The following KCNMB3 variants were observed in gnomAD, a reference collection of about 807,000 sequenced individuals.
KCNMB3 encodes the protein potassium calcium-activated channel subfamily M regulatory beta subunit 3.
A neutral mutation model predicts 11.9 loss-of-function variants in KCNMB3; 18 were observed. The ratio of observed to expected loss-of-function variants is 1.51; its 90% CI spans 1.04 to 2.23. KCNMB3 has a LOEUF of 2.23. Among genes scored for constraint, KCNMB3 ranks in the 30% most tolerant of loss-of-function variants. The pLI is 0.00. For missense variants in KCNMB3, 247 were observed against 329.4 expected (o/e 0.75, Z 1.94); for synonymous variants, 78 against 119.2 (o/e 0.65, Z 2.25).
Position 179,263,693 on chromosome 3 carries a change from T to C in KCNMB3, c.62+2956A>G, listed in dbSNP as rs537583799. On this transcript the variant is annotated intron_variant, in intron 1 of 3. Transcript: ENST00000349697. ...AGAACAAAAACTCACCCACAACACT[T>C]AAAGGTAATGATTGTGCACTTGGTT... Among the ~76,000 whole-genome samples, 4 of 152,060 alleles carry C rather than the reference T, an allele frequency of 2.6e-5. No homozygotes were observed. In the South Asian group the frequency reaches 8.3e-4, roughly 32 times the overall value.
chr3:179,250,813 C>T lies in KCNMB3; in HGVS notation c.178G>A (p.Ala60Thr). 1.9e-6 allele frequency: 3 copies of T among 1,614,202 alleles called. No homozygotes were observed. Among genetic ancestry groups the T allele is most frequent in the Non-Finnish European group, 2.5e-6 (3 of 1,180,036 alleles). ...ATTAGGACTGAGAAGCCCATCATGG[C>T]AAACCCCAGCATCACGGCTCGGTCC... ...GEDRAVMLGF[A>T]MMGFSVLMFF... is the part of the protein sequence containing the mutation. The change falls in exon 1 of 3, where the codon GCC becomes ACC. Residue 60 changes from alanine (A) to threonine (T), a missense_variant. Coordinates refer to ENST00000392685, the MANE Select transcript of KCNMB3 (RefSeq NM_171830.2).
At chr3:179,258,241 T>C (rs1479872197) in intron 1 of KCNMB3, among the ~76,000 whole-genome samples, 1 of 152,200 alleles carries the variant, frequency 6.6e-6, no homozygotes, top group Non-Finnish European at 1.5e-5. Context: ...GAAATGTAAT[T>C]TGACATGTAT....
At chr3:179,262,286 CTG>C (rs1165167577) in intron 1 of KCNMB3, among the ~76,000 whole-genome samples, 1 of 152,194 alleles carries the variant, frequency 6.6e-6, no homozygotes, top group Non-Finnish European at 1.5e-5. Context: ...ATTTATGAAA[CTG>C]TGTCCGGAAT....
At chr3:179,247,370 G>A (rs1052337779) in intron 1 of KCNMB3, among the ~76,000 whole-genome samples, 7 of 151,520 alleles carry the variant, frequency 4.6e-5, no homozygotes, top group African/African-American at 1.7e-4. Flanking sequence ...GAGAGGAAAA[G>A]GAGTAAATGA....
intron 1 of KCNMB3, among the ~76,000 whole-genome samples, chr3:179,257,149 G>A (rs1324944005): frequency 1.3e-5 from 2 of 152,186 alleles, no homozygotes; most frequent in South Asian, 2.1e-4. Flanking sequence ...AGTGATAGGT[G>A]AGACCCTATC....
At chr3:179,248,669 A>G (rs1234631908) in intron 1 of KCNMB3, among the ~76,000 whole-genome samples, 1 of 150,706 alleles carries the variant, frequency 6.6e-6, no homozygotes, top group Non-Finnish European at 1.5e-5. Flanking sequence ...TCGAAGCTGC[A>G]GTGAGCCATG....
intron 1 of KCNMB3, among the ~76,000 whole-genome samples, chr3:179,250,321 T>C (rs1336469665): frequency 1.3e-5 from 2 of 152,218 alleles, no homozygotes; most frequent in Non-Finnish European, 2.9e-5. Context: ...GAAACTAATA[T>C]GTATTGAGCA....
chr3:179,257,162 T>C (rs760401840), intron 1 of KCNMB3, among the ~76,000 whole-genome samples: 15 of 152,194 alleles, frequency 9.9e-5, no homozygotes, highest in Non-Finnish European at 2.1e-4. Flanking sequence ...ACCCTATCTC[T>C]AAAAAAACTG....
chr3:179,250,730 C>T lies in KCNMB3; in HGVS notation c.248+13G>A, dbSNP rs780306142. 6.2e-7 allele frequency: 1 copy of T among 1,613,488 alleles called. No individual in the cohort carries two copies. On this transcript the variant is annotated intron_variant, in intron 1 of 2. Coordinates refer to ENST00000392685, the MANE Select transcript of KCNMB3 (RefSeq NM_171830.2). ...GAATTGGAAACTCTAGATTTCCTTCCTCTGTTTCTTACCTGAGCATAAAAG... is the reference window on the plus strand; with the variant it reads ...GAATTGGAAACTCTAGATTTCCTTCTTCTGTTTCTTACCTGAGCATAAAAG...
intron 1 of KCNMB3, chr3:179,260,950 TAG>T (rs1329307363): frequency 1.0e-5 from 11 of 1,094,210 alleles, no homozygotes; most frequent in South Asian, 3.7e-5. Flanking sequence ...CAACTTCTGC[TAG>T]AGAGTCCTTG....
At chr3:179,251,629 ACAGAAGAGT>A, upstream of KCNMB3, 1 of 1,262,476 alleles carries the variant, frequency 7.9e-7, no homozygotes, top group Non-Finnish European at 9.9e-7. Context: ...TGTCTGGTGA[ACAGAAGAGT>A]CCAACACAAA....
chr3:179,264,390 A>T (rs1157083433), intron 1 of KCNMB3, among the ~76,000 whole-genome samples: 1 of 152,046 alleles, frequency 6.6e-6, no homozygotes, highest in Admixed American at 6.6e-5. Flanking sequence ...ACCTCAAAGC[A>T]CTTAAGTATG....
chr3:179,255,892 G>A (rs1298952643), upstream of KCNMB3, among the ~76,000 whole-genome samples: 1 of 152,144 alleles, frequency 6.6e-6, no homozygotes, highest in East Asian at 1.9e-4. Flanking sequence ...GAAGCCATAA[G>A]GCAAGAATAT....
At chr3:179,241,326 G>A (rs1488813726), downstream of KCNMB3, 2 of 153,946 alleles carry the variant, frequency 1.3e-5, no homozygotes, top group Admixed American at 1.3e-4. Context: ...GCCCAAAGTT[G>A]TAATTATGGC....
At chr3:179,259,617 T>C in intron 1 of KCNMB3, 2 of 1,608,540 alleles carry the variant, frequency 1.2e-6, no homozygotes, top group Non-Finnish European at 1.7e-6. Context: ...AGACTTTACC[T>C]GCTCTTCTTC....
chr3:179,252,813 C>A (rs1265349851), upstream of KCNMB3, among the ~76,000 whole-genome samples: 1 of 150,286 alleles, frequency 6.7e-6, no homozygotes, highest in Non-Finnish European at 1.5e-5. Context: ...CTCACTGCAA[C>A]CTCCGTCTCC....
intron 1 of KCNMB3, among the ~76,000 whole-genome samples, chr3:179,266,159 G>A (rs983587243): frequency 6.6e-6 from 1 of 152,194 alleles, no homozygotes; most frequent in Non-Finnish European, 1.5e-5. Flanking sequence ...CAGTCATATG[G>A]CTGATTAAGT....
chr3:179,261,355 G>A, intron 1 of KCNMB3: 1 of 1,155,920 alleles, frequency 8.7e-7, no homozygotes, highest in Non-Finnish European at 1.1e-6. Context: ...CGGGCCAGGG[G>A]GCGCGCGCTC....
At chr3:179,255,444 T>G (rs1014677165), upstream of KCNMB3, among the ~76,000 whole-genome samples, 1 of 151,948 alleles carries the variant, frequency 6.6e-6, no homozygotes, top group East Asian at 1.9e-4. Flanking sequence ...AAGTAAAAAT[T>G]TAATGAACAG....
Sources: gnomAD v4.1 joint callset for allele counts (sites outside exome capture counted in the v4.1 genomes callset) on GRCh38, gnomAD v4.1.1 for gene constraint, MANE v1.5 for transcripts, NCBI Gene and HGNC (gene_info 2026-07-23, HGNC 2026-07-21) for gene names.